The following PREP variants were observed in gnomAD, a reference collection of about 807,000 sequenced individuals.
PREP encodes dJ355L5.1 (prolyl endopeptidase).
PREP carries 29 observed loss-of-function variants against 87.6 expected under a neutral mutation model. The ratio of observed to expected loss-of-function variants is 0.33; its 90% CI spans 0.25 to 0.45. The LOEUF is 0.45. PREP is among the 20% of genes least tolerant of loss of function. The pLI, the probability that PREP is intolerant of heterozygous loss-of-function variation, is 1.00. For synonymous variants in PREP, 337 were observed against 328.6 expected, an observed-to-expected ratio of 1.03 and a Z score of -0.28; for missense variants, 695 against 886.5, an observed-to-expected ratio of 0.78 and a Z score of 2.74.
At chr6:105,360,384 GAGGA>G (rs1772215519) in intron 6 of PREP, among the ~76,000 whole-genome samples, 1 of 152,196 alleles carries the variant, frequency 6.6e-6, no homozygotes, top group Non-Finnish European at 1.5e-5. Flanking sequence ...ATGCTAGCCT[GAGGA>G]AACCTTTTTA....
intron 10 of PREP, among the ~76,000 whole-genome samples, chr6:105,295,481 T>A (rs1448752143): frequency 6.6e-6 from 1 of 152,086 alleles, no homozygotes; most frequent in Non-Finnish European, 1.5e-5. Context: ...TTAAGCTACA[T>A]CTCCATCTTC....
intron 2 of PREP, among the ~76,000 whole-genome samples, chr6:105,396,582 C>T (rs1773289500): frequency 6.6e-6 from 1 of 152,104 alleles, no homozygotes; most frequent in Non-Finnish European, 1.5e-5. Flanking sequence ...ATTCAGGTCT[C>T]CAGAGAACAC....
At chr6:105,330,925 A>C (rs1209508965) in intron 8 of PREP, among the ~76,000 whole-genome samples, 1 of 152,214 alleles carries the variant, frequency 6.6e-6, no homozygotes, top group Admixed American at 6.5e-5. Flanking sequence ...AAAAAACCTC[A>C]ATCAGGCAAC....
At chr6:105,322,254 A>G in intron 10 of PREP, 1 of 913,934 alleles carries the variant, frequency 1.1e-6, no homozygotes, top group Non-Finnish European at 1.3e-6. Flanking sequence ...CAGCAGCCAA[A>G]TAAATAGGAA....
rs529512446 is a variant in PREP, at chr6:105,362,639, C to G, written c.717+6264G>C. 2.6e-5 allele frequency among the ~76,000 whole-genome samples: 4 copies of G among 152,334 alleles called. No individual in the cohort carries two copies. In the East Asian group the frequency reaches 7.7e-4, roughly 29 times the overall value. On this transcript the variant is annotated intron_variant, in intron 6 of 14. Coordinates refer to ENST00000652536, the MANE Select transcript of PREP (RefSeq NM_002726.5). Reference sequence around the variant, plus strand: ...TCTTGCTTTACTCACATCCACGTCTCTAGCTTGGCTTTCTGACTTTTCTGC... The same window carrying G: ...TCTTGCTTTACTCACATCCACGTCTGTAGCTTGGCTTTCTGACTTTTCTGC...
rs1770004541 is a variant in PREP, at chr6:105,278,734, A to G, written c.1839-296T>C. Among the ~76,000 whole-genome samples the G allele has an allele frequency of 6.6e-6, 1 of 151,958 alleles. No homozygotes were observed. The highest frequency in any genetic ancestry group is 2.1e-4 in the South Asian group (1 of 4,830). On this transcript the variant is annotated intron_variant, in intron 14 of 14. Transcript: ENST00000652536. The surrounding 1 kb of genome is among the most constrained non-coding windows in gnomAD (Gnocchi z 4.2). The stretch of plus-strand genomic sequence containing the variant: ...ACTGTCTCTTAAGGTGAGTAGTTTC[A>G]TATTCTCTAGGCTTTTTTTTTACTG...
intron 10 of PREP, among the ~76,000 whole-genome samples, chr6:105,321,239 G>A (rs955386324): frequency 2.0e-5 from 3 of 152,198 alleles, no homozygotes; most frequent in East Asian, 1.9e-4. Flanking sequence ...GAAGAGCAAC[G>A]CATTAAGATC....
intron 2 of PREP, among the ~76,000 whole-genome samples, chr6:105,378,845 G>C (rs1002528332): frequency 6.6e-6 from 1 of 152,140 alleles, no homozygotes; most frequent in African/African-American, 2.4e-5. Context: ...ATTATTATCA[G>C]AGTTCACTTT....
Position 105,278,375 on chromosome 6 carries a change from C to A in PREP, c.1902G>T (p.Leu634=). The change falls in exon 15 of 15, where the codon CTG becomes CTT. Residue 634 remains leucine, a synonymous_variant. Coordinates refer to ENST00000652536, the MANE Select transcript of PREP (RefSeq NM_002726.5). This position sits in a 1 kb window ranked among gnomAD's most constrained non-coding sequence, Gnocchi z 4.2. ...EADDIQYPSM[L]LLTADHDDRV... ...GGTCATCATGGTCAGCAGTGAGGAG[C>A]AGCATGGACGGGTACTGGATGTCAT... 2 of 1,614,174 alleles carry A rather than the reference C, an allele frequency of 1.2e-6. No individual in the cohort carries two copies. The highest frequency in any genetic ancestry group is 1.7e-6 in the Non-Finnish European group (2 of 1,179,996).
chr6:105,366,723 A>G (rs1772394495), intron 6 of PREP, among the ~76,000 whole-genome samples: 1 of 152,130 alleles, frequency 6.6e-6, no homozygotes, highest in Non-Finnish European at 1.5e-5. Flanking sequence ...AAACTGTGGC[A>G]CACACACATG....
intron 5 of PREP, 23 bp downstream of exon 5, chr6:105,373,346 C>T (rs762168768): frequency 6.2e-7 from 1 of 1,607,878 alleles, no homozygotes; most frequent in Non-Finnish European, 8.5e-7. Context: ...GAAAAATGTG[C>T]TTCATCTGAA....
intron 5 of PREP, among the ~76,000 whole-genome samples, chr6:105,372,444 C>T (rs958920402): frequency 6.6e-6 from 1 of 152,128 alleles, no homozygotes; most frequent in African/African-American, 2.4e-5. Context: ...CTACATACCA[C>T]GTTGAAATGT....
intron 3 of PREP, among the ~76,000 whole-genome samples, chr6:105,377,088 C>T (rs1482359844): frequency 2.6e-5 from 4 of 152,154 alleles, no homozygotes; most frequent in African/African-American, 7.2e-5. Flanking sequence ...GGCAAACAAA[C>T]CTCCACTGCT....
At chr6:105,380,020 T>C (rs1317909138) in intron 2 of PREP, among the ~76,000 whole-genome samples, 1 of 152,218 alleles carries the variant, frequency 6.6e-6, no homozygotes, top group Non-Finnish European at 1.5e-5. Context: ...TGAAAACCTT[T>C]ATGGCAATTT....
chr6:105,363,270 A>G (rs760959440), intron 6 of PREP, among the ~76,000 whole-genome samples: 1 of 152,178 alleles, frequency 6.6e-6, no homozygotes, highest in Non-Finnish European at 1.5e-5. Context: ...GGGATGATGC[A>G]TTTTCACAAT....
chr6:105,279,618 T>A (rs1271127810), intron 14 of PREP, among the ~76,000 whole-genome samples: 1 of 152,186 alleles, frequency 6.6e-6, no homozygotes, highest in African/African-American at 2.4e-5. Flanking sequence ...TGGTGCTCCA[T>A]GAGGCACAGC....
At chr6:105,393,988 A>G (rs898170930) in intron 2 of PREP, among the ~76,000 whole-genome samples, 1 of 151,830 alleles carries the variant, frequency 6.6e-6, no homozygotes, top group East Asian at 1.9e-4. Context: ...ACATGTAATC[A>G]ATTCAGACTA....
intron 10 of PREP, among the ~76,000 whole-genome samples, chr6:105,312,518 A>C (rs547592335): frequency 3.3e-5 from 5 of 152,306 alleles, no homozygotes; most frequent in Admixed American, 1.3e-4. Context: ...CCCAGAACTA[A>C]CTACCTCAGA....
intron 12 of PREP, among the ~76,000 whole-genome samples, chr6:105,284,576 C>G (rs949358467): frequency 1.3e-5 from 2 of 152,078 alleles, no homozygotes; most frequent in Non-Finnish European, 2.9e-5. Context: ...GCACTGGGGT[C>G]CTGGTAGGCC....
Sources: gnomAD v4.1 joint callset for allele counts (sites outside exome capture counted in the v4.1 genomes callset) on GRCh38, gnomAD v4.1.1 for gene constraint, Gnocchi (gnomAD v3.1) non-coding constraint, MANE v1.5 for transcripts, NCBI Gene and HGNC (gene_info 2026-07-23, HGNC 2026-07-21) for gene names.